Variants in DLGAP3 observed in about 807,000 individuals in gnomAD.
DLGAP3 encodes the protein disks large-associated protein 3.
Under a neutral mutation model 81.2 loss-of-function variants are expected in DLGAP3, and 17 were observed. That is an observed-to-expected ratio of 0.21 (90% CI 0.14 to 0.31). DLGAP3 has a LOEUF of 0.31. DLGAP3 is among the 10% of genes least tolerant of loss of function. The pLI is 1.00. For missense variants in DLGAP3, 1,124 were observed against 1,388.0 expected (o/e 0.81, Z 3.02); for synonymous variants, 577 against 587.4 (o/e 0.98, Z 0.26).
chr1:34,874,633 G>A (rs2148395592), intron 8 of DLGAP3, among the ~76,000 whole-genome samples: 3 of 152,300 alleles, frequency 2.0e-5, no homozygotes, highest in Non-Finnish European at 4.4e-5. Context: ...TGTTATCATG[G>A]TTACTTCAGG....
chr1:34,903,573 C>G (rs1000077984), intron 3 of DLGAP3, among the ~76,000 whole-genome samples: 12 of 152,190 alleles, frequency 7.9e-5, no homozygotes, highest in Non-Finnish European at 1.8e-4. Flanking sequence ...CTGGCCTCAC[C>G]TGCAGAGACC....
intron 1 of DLGAP3, among the ~76,000 whole-genome samples, chr1:34,916,924 C>G (rs1014116514): frequency 2.0e-5 from 3 of 152,122 alleles, no homozygotes; most frequent in African/African-American, 7.2e-5. Flanking sequence ...GTCTCGGTCT[C>G]CCTGACCTCG....
intron 8 of DLGAP3, among the ~76,000 whole-genome samples, chr1:34,871,638 G>A (rs935728969): frequency 2.0e-5 from 3 of 152,206 alleles, no homozygotes; most frequent in Non-Finnish European, 4.4e-5. Context: ...GGTAAAGGAG[G>A]GGGTTGCTCC....
rs762728390 is a variant in DLGAP3, at chr1:34,900,028, G to A, written c.1313+40C>T. 3 of 1,565,938 alleles carry A rather than the reference G, an allele frequency of 1.9e-6. No individual in the cohort carries two copies. The South Asian group carries it at 3.3e-5, about 17-fold the overall frequency. On this transcript the variant is annotated intron_variant, in intron 4 of 11. Transcript: ENST00000373347. This position sits in a 1 kb window ranked among gnomAD's most constrained non-coding sequence, Gnocchi z 5.6. ...CATCTCCCGCAGGAGTCCAGCATCAGCCTCCTGACCCCGCACCCCCCGGCC... is the reference window on the plus strand; with the variant it reads ...CATCTCCCGCAGGAGTCCAGCATCAACCTCCTGACCCCGCACCCCCCGGCC...
intron 1 of DLGAP3, among the ~76,000 whole-genome samples, chr1:34,927,708 C>G (rs897345680): frequency 6.6e-6 from 1 of 152,088 alleles, no homozygotes; most frequent in Admixed American, 6.5e-5. Context: ...CCCCACCCCC[C>G]ACTCTTTTAG....
chr1:34,921,507 C>T (rs6658123), intron 1 of DLGAP3, among the ~76,000 whole-genome samples: 2 of 152,222 alleles, frequency 1.3e-5, no homozygotes, highest in African/African-American at 4.8e-5. Context: ...CCAATGAACA[C>T]TTATGTGTGT....
At chr1:34,927,860 T>G (rs1021184005) in intron 1 of DLGAP3, among the ~76,000 whole-genome samples, 1 of 152,172 alleles carries the variant, frequency 6.6e-6, no homozygotes, top group African/African-American at 2.4e-5. Flanking sequence ...TTTGGGTCAC[T>G]GAAAGACCTG....
Position 34,885,470 on chromosome 1 carries a change from T to G in DLGAP3, c.1914+8A>C, listed in dbSNP as rs768411376. On this transcript the variant is annotated splice_region_variant and intron_variant, in intron 7 of 11. Transcript: ENST00000373347. ...CAGAGCCCTCGTGGGCGCCTCCCCG[T>G]TCCATACCTGCACCCCAATGGACGG... The G allele has an allele frequency of 6.2e-7, 1 of 1,605,592 alleles. No homozygotes were observed. The highest frequency in any genetic ancestry group is 8.5e-7 in the Non-Finnish European group (1 of 1,179,646).
rs865787291 is a variant in DLGAP3, at chr1:34,899,872, C to T, written c.1314-131G>A. On this transcript the variant is annotated intron_variant, in intron 4 of 11. Coordinates refer to ENST00000373347, the MANE Select transcript of DLGAP3 (RefSeq NM_001080418.3). ...CCCAAAGAGAGATCCCTTAGGAGACCCTGGGTAAAGAGACTCCCAAAGAGG... is the reference window on the plus strand; with the variant it reads ...CCCAAAGAGAGATCCCTTAGGAGACTCTGGGTAAAGAGACTCCCAAAGAGG... 1.4e-4 allele frequency: 134 copies of T among 992,196 alleles called. No individual in the cohort carries two copies. The Middle Eastern group carries it at 2.4e-3, about 18-fold the overall frequency. The allele number at this position is 992,196 out of a possible 1,614,324, so 61.5% of individuals were successfully genotyped here. A position where few individuals can be genotyped will look rare whatever the true frequency, so the allele number is the denominator to read the frequency against.
At chr1:34,906,034 T>TA (rs1557492434) in intron 2 of DLGAP3, among the ~76,000 whole-genome samples, 1 of 39,132 alleles carries the variant, frequency 2.6e-5, no homozygotes, top group African/African-American at 7.4e-5. Context: ...ATATATATAT[T>TA]TGTTTGTTTT....
chr1:34,901,825 T>C (rs573673107), intron 3 of DLGAP3, among the ~76,000 whole-genome samples: 3 of 152,018 alleles, frequency 2.0e-5, no homozygotes, highest in Non-Finnish European at 2.9e-5. Flanking sequence ...ATGAAGGACA[T>C]GGAAGGTGGG....
At chr1:34,870,531 A>G (rs1258687796) in intron 8 of DLGAP3, among the ~76,000 whole-genome samples, 1 of 151,954 alleles carries the variant, frequency 6.6e-6, no homozygotes, top group Non-Finnish European at 1.5e-5. Context: ...ACTTCTCTCC[A>G]GCTGGCAGGC....
intron 8 of DLGAP3, among the ~76,000 whole-genome samples, chr1:34,874,847 G>A (rs61776348): frequency 0.3 from 46,086 of 151,686 alleles, 8,425 homozygotes; most frequent in Non-Finnish European, 0.43. Flanking sequence ...GGGCAGGGAG[G>A]GGGAAGGACG....
At chr1:34,884,943 C>A in intron 8 of DLGAP3, 35 bp downstream of exon 8, 1 of 1,521,576 alleles carries the variant, frequency 6.6e-7, no homozygotes, top group Non-Finnish European at 9.1e-7. Context: ...CTCCTGTCTC[C>A]CAGCGAAGCC....
chr1:34,920,336 G>T (rs1449169134), intron 1 of DLGAP3, among the ~76,000 whole-genome samples: 1 of 152,100 alleles, frequency 6.6e-6, no homozygotes, highest in East Asian at 1.9e-4. Context: ...TGGCAGGAAT[G>T]AACATACATG....
intron 8 of DLGAP3, among the ~76,000 whole-genome samples, chr1:34,880,766 G>A (rs895303806): frequency 2.6e-5 from 4 of 151,906 alleles, no homozygotes; most frequent in Non-Finnish European, 4.4e-5. Flanking sequence ...TTAATACTAT[G>A]AGAAAGAATA....
At chr1:34,882,247 C>T (rs1350222361) in intron 8 of DLGAP3, among the ~76,000 whole-genome samples, 5 of 152,126 alleles carry the variant, frequency 3.3e-5, no homozygotes, top group African/African-American at 1.2e-4. Flanking sequence ...GAGGCCGAGG[C>T]GGGCTGATCA....
chr1:34,905,312 G>A lies in DLGAP3; in HGVS notation c.72C>T (p.Asp24=), dbSNP rs372752221. The change falls in exon 3 of 12, where the codon GAC becomes GAT. Residue 24 remains aspartate (D), a synonymous_variant. Transcript: ENST00000373347. ...PARFADQQHM[D]VGPAARAPYL... ...ATGGGGCCCTGGCAGCAGGGCCCAC[G>A]TCCATATGCTGTTGGTCAGCAAAGC... The A allele has an allele frequency of 7.9e-5, 124 of 1,563,944 alleles. No individual in the cohort carries two copies. Among genetic ancestry groups the A allele is most frequent in the Non-Finnish European group, 1.0e-4 (117 of 1,154,128 alleles).
At position 34,911,263 on chromosome 1, in the gene DLGAP3, C is replaced by A. The variant is rs115986498; in HGVS notation, c.-134-3826G>T. ...AGTGAATATGTTTTTTTAAAGCAAACAAACAAATAAAAAGACCTCATCCAT... is the reference window on the plus strand; with the variant it reads ...AGTGAATATGTTTTTTTAAAGCAAAAAAACAAATAAAAAGACCTCATCCAT... On this transcript the variant is annotated intron_variant, in intron 1 of 11. Transcript: ENST00000373347. Among the ~76,000 whole-genome samples, 296 of 152,246 alleles carry A rather than the reference C, an allele frequency of 1.9e-3. 1 individual carries two copies. Among genetic ancestry groups the A allele is most frequent in the African/African-American group, 6.6e-3 (273 of 41,526 alleles).
Sources: gnomAD v4.1 joint callset for allele counts (sites outside exome capture counted in the v4.1 genomes callset) on GRCh38, gnomAD v4.1.1 for gene constraint, Gnocchi (gnomAD v3.1) non-coding constraint, MANE v1.5 for transcripts, NCBI Gene and HGNC (gene_info 2026-07-23, HGNC 2026-07-21) for gene names.